SFXN4: variants seen among roughly 807,000 people sequenced by gnomAD.
SFXN4 encodes sideroflexin-4.
Under a neutral mutation model 54.6 loss-of-function variants are expected in SFXN4, and 48 were observed. The observed-to-expected ratio is 0.88, with a 90% CI of 0.70 to 1.12. The LOEUF (loss-of-function observed/expected upper bound fraction) is 1.12, where lower values mean the gene tolerates loss of function less well. SFXN4 is among the 50% of genes most tolerant of loss of function. The probability of loss-of-function intolerance (pLI) is 0.00; values close to 1 mark genes in which losing one functional copy is unlikely to be tolerated. For synonymous variants in SFXN4, 130 were observed against 145.5 expected, an observed-to-expected ratio of 0.89 and a Z score of 0.77; for missense variants, 383 against 409.2, an observed-to-expected ratio of 0.94 and a Z score of 0.55.
chr10:119,160,853 G>A, intron 5 of SFXN4, 62 bp downstream of exon 5: 1 of 1,545,814 alleles, frequency 6.5e-7, no homozygotes, highest in Non-Finnish European at 8.9e-7. Context: ...GGCAGGCAGA[G>A]TTTTCTAAGT....
Position 119,155,147 on chromosome 10 carries a change from G to A in SFXN4, c.647C>T (p.Ser216Phe). 1 of 1,614,038 alleles carries A rather than the reference G, an allele frequency of 6.2e-7. No homozygotes were observed. The highest frequency in any genetic ancestry group is 8.5e-7 in the Non-Finnish European group (1 of 1,179,876). The change falls in exon 11 of 14, where the codon TCC becomes TTC. Residue 216 changes from serine to phenylalanine, a missense_variant. Ser to Phe is a radical substitution (Grantham distance 155). Transcript: ENST00000355697. ...CCCCTTAATGGATTCAAGACTTCGG[G>A]ACATGTAGACATTCATTCCACTGGC... ...VQASGMNVYMSRSLESIKGIA... is the reference protein window; with the variant it reads ...VQASGMNVYMFRSLESIKGIA...
rs150682528 is a variant in SFXN4 at position 119,165,641 on chromosome 10, G to A, written c.7C>T (p.Leu3=). 4,099 of 1,587,016 alleles carry A rather than the reference G, an allele frequency of 2.6e-3. 86 individuals are homozygous for A. In the South Asian group the frequency reaches 0.029, roughly 11 times the overall value. The change falls in exon 1 of 14, where the codon CTG becomes TTG. Residue 3 remains leucine (L), a synonymous_variant. Coordinates refer to ENST00000355697, the MANE Select transcript of SFXN4 (RefSeq NM_213649.2). The part of the protein sequence containing the change: MS[L]EQEEETQPGR... ...GGTTGCGTTTCCTCCTCCTGTTCCAGGGACATTTTGCGCTGGTTAGAGTGG... is the reference window on the plus strand; with the variant it reads ...GGTTGCGTTTCCTCCTCCTGTTCCAAGGACATTTTGCGCTGGTTAGAGTGG...
At chr10:119,146,714 G>A (rs926154968) in intron 12 of SFXN4, among the ~76,000 whole-genome samples, 3 of 151,950 alleles carry the variant, frequency 2.0e-5, no homozygotes, top group South Asian at 4.2e-4. Flanking sequence ...GATTATAGGC[G>A]CCCGCCACCA....
Position 119,165,628 on chromosome 10 carries a change from T to G in SFXN4, c.20A>C (p.Glu7Ala). The change falls in exon 1 of 14, where the codon GAG becomes GCG. Residue 7 changes from glutamate (E) to alanine (A), a missense_variant. Physicochemically the swap from Glu to Ala is moderately radical, Grantham distance 107. Transcript: ENST00000355697. The stretch of plus-strand genomic sequence containing the variant: ...TAGGAGCCGCCCAGGTTGCGTTTCC[T>G]CCTCCTGTTCCAGGGACATTTTGCG... MSLEQEEETQPGRLLGR... is the reference protein window; with the variant it reads MSLEQEAETQPGRLLGR... 1.9e-6 allele frequency: 3 copies of G among 1,590,498 alleles called. No individual in the cohort carries two copies. The highest frequency in any genetic ancestry group is 2.6e-6 in the Non-Finnish European group (3 of 1,170,738).
chr10:119,165,516 C>T, intron 1 of SFXN4, 21 bp downstream of exon 1: 2 of 1,564,868 alleles, frequency 1.3e-6, no homozygotes, highest in Non-Finnish European at 1.7e-6. Context: ...TGCCCCTAGT[C>T]GCGCCGGGCC....
intron 13 of SFXN4, among the ~76,000 whole-genome samples, chr10:119,143,457 G>C (rs1483059282): frequency 6.6e-6 from 1 of 151,510 alleles, no homozygotes; most frequent in Non-Finnish European, 1.5e-5. Context: ...TACCTCAGCT[G>C]CCTGAGTAGC....
chr10:119,158,792 G>A (rs1407031766), intron 6 of SFXN4, among the ~76,000 whole-genome samples: 1 of 151,852 alleles, frequency 6.6e-6, no homozygotes, highest in Non-Finnish European at 1.5e-5. Context: ...ACACCAGCCT[G>A]AGCAATGTAG....
Position 119,161,714 on chromosome 10 carries a change from G to A in SFXN4, c.252+626C>T, listed in dbSNP as rs572527698. ...CCAACACCTAACTTATCCCTCAGAT[G>A]AGTCCCCGAATCCGGCTTGCCTCTG... is the stretch of plus-strand genomic sequence containing the variant. On this transcript the variant is annotated intron_variant, in intron 3 of 13. Transcript: ENST00000355697. 1.2e-4 allele frequency among the ~76,000 whole-genome samples: 18 copies of A among 152,298 alleles called. No individual in the cohort carries two copies. The Middle Eastern group carries it at 0.01, about 86-fold the overall frequency.
intron 11 of SFXN4, among the ~76,000 whole-genome samples, chr10:119,150,219 T>C (rs1231160055): frequency 1.3e-5 from 2 of 151,968 alleles, no homozygotes; most frequent in African/African-American, 4.8e-5. Context: ...AAAAATGAAG[T>C]TTCTTCTGGT....
chr10:119,162,802 ATTGTTTT>A (rs1310544725), intron 2 of SFXN4, among the ~76,000 whole-genome samples: 22 of 151,356 alleles, frequency 1.5e-4, no homozygotes, highest in African/African-American at 4.9e-4. Flanking sequence ...TTCTTTTCTT[ATTGTTTT>A]TTAAGAGACA....
Position 119,140,944 on chromosome 10 carries a change from T to C in SFXN4, c.*298A>G. On this transcript the variant is annotated 3_prime_UTR_variant, in exon 14 of 14. Coordinates refer to ENST00000355697, the MANE Select transcript of SFXN4 (RefSeq NM_213649.2). ...CTTCAAATCCTCAACTTGAGACAGG[T>C]TTATTAGTTAATTAGTGATTTCACA... 3.6e-6 allele frequency: 1 copy of C among 274,410 alleles called. No individual in the cohort carries two copies. Among genetic ancestry groups the C allele is most frequent in the South Asian group, 7.9e-5 (1 of 12,678 alleles). 17.0% of individuals were successfully genotyped at this position (274,410 alleles called of 1,614,324 possible). A position where few individuals can be genotyped will look rare whatever the true frequency, so the allele number is the denominator to read the frequency against.
chr10:119,141,382 T>TA lies in SFXN4; in HGVS notation c.937-64dup, dbSNP rs1429364087. On this transcript the variant is annotated intron_variant, in intron 13 of 13. Coordinates refer to ENST00000355697, the MANE Select transcript of SFXN4 (RefSeq NM_213649.2). ...GTTTTTCTTGCCTTAGAAGCCAAGT[T>TA]AAAAAAATCATTTTCTGAAAGCAAC... 433 of 1,034,310 alleles carry TA rather than the reference T, an allele frequency of 4.2e-4. 1 individual carries two copies. The highest frequency in any genetic ancestry group is 5.7e-4 in the Non-Finnish European group (397 of 693,466). 64.1% of individuals were successfully genotyped at this position (1,034,310 alleles called of 1,614,324 possible).
chr10:119,144,633 C>CT (rs1165383363), intron 13 of SFXN4, among the ~76,000 whole-genome samples: 1 of 152,106 alleles, frequency 6.6e-6, no homozygotes, highest in Non-Finnish European at 1.5e-5. Context: ...CTTCAGCTCT[C>CT]TTTAACAGAT....
In SFXN4 at chr10:119,165,606, G is replaced by C. The variant is rs764857486; in HGVS notation, c.42C>G (p.Leu14=). 2 of 1,593,874 alleles carry C rather than the reference G, an allele frequency of 1.3e-6. No homozygotes were observed. Among genetic ancestry groups the C allele is most frequent in the Non-Finnish European group, 1.7e-6 (2 of 1,171,968 alleles). ...EQEEETQPGR[L]LGRRDAVPAF... is the part of the protein sequence containing the mutation. ...CGGGGACGGCGTCTCTGCGTCCTAG[G>C]AGCCGCCCAGGTTGCGTTTCCTCCT... Residue 14 remains leucine (L), a synonymous_variant, in exon 1 of 14, where the codon CTC becomes CTG. Transcript: ENST00000355697.
chr10:119,153,300 A>C (rs1257276936), intron 11 of SFXN4, among the ~76,000 whole-genome samples: 1 of 151,298 alleles, frequency 6.6e-6, no homozygotes, highest in Non-Finnish European at 1.5e-5. Context: ...AATCCCAGCT[A>C]CTTGGAAGGC....
At chr10:119,145,640 T>C (rs904583559) in intron 13 of SFXN4, among the ~76,000 whole-genome samples, 2 of 152,030 alleles carry the variant, frequency 1.3e-5, no homozygotes, top group Non-Finnish European at 2.9e-5. Context: ...CTCTAGTTTA[T>C]TGTAGGAATA....
At chr10:119,158,638 A>G (rs1329492753) in intron 6 of SFXN4, among the ~76,000 whole-genome samples, 3 of 142,502 alleles carry the variant, frequency 2.1e-5, no homozygotes, top group East Asian at 4.1e-4. Flanking sequence ...AAAAAAAAAA[A>G]AAGAAGTACA....
chr10:119,162,509 C>A, intron 2 of SFXN4, 95 bp from the exon 3 acceptor site: 2 of 955,664 alleles, frequency 2.1e-6, no homozygotes, highest in South Asian at 1.4e-5. Context: ...CCAGCATGCA[C>A]TGGACTTCGA....
Position 119,162,337 on chromosome 10 carries a change from T to C in SFXN4, c.252+3A>G, listed in dbSNP as rs1468452110. 17 of 1,613,962 alleles carry C rather than the reference T, an allele frequency of 1.1e-5. No homozygotes were observed. Among genetic ancestry groups the C allele is most frequent in the Non-Finnish European group, 1.4e-5 (17 of 1,179,842 alleles). On this transcript the variant is annotated splice_donor_region_variant and intron_variant, in intron 3 of 13. Coordinates refer to ENST00000355697, the MANE Select transcript of SFXN4 (RefSeq NM_213649.2). ...CAGCCAGACCTGAGCACGTGAAACA[T>C]ACCCTTTGGTCCGCCGAGGCAGGGC...
Sources: allele counts gnomAD v4.1 joint callset (sites outside exome capture counted in the v4.1 genomes callset), GRCh38; gene constraint gnomAD v4.1.1; transcripts MANE v1.5; gene names NCBI Gene and HGNC (gene_info 2026-07-23, HGNC 2026-07-21).